The following ZNF316 variants were observed in gnomAD, a reference collection of about 807,000 sequenced individuals.
ZNF316 encodes the protein zinc finger protein 316.
Under a neutral mutation model 75.6 loss-of-function variants are expected in ZNF316, and 23 were observed. That is an observed-to-expected ratio of 0.30 (90% CI 0.22 to 0.43). ZNF316 has a LOEUF of 0.43. Among genes scored for constraint, ZNF316 ranks in the 20% least tolerant of loss-of-function variants. The pLI, the probability that ZNF316 is intolerant of heterozygous loss-of-function variation, is 1.00. For synonymous variants in ZNF316, 827 were observed against 666.2 expected (o/e 1.24, Z -3.72); for missense variants, 1,266 against 1,409.4 (o/e 0.90, Z 1.63).
Position 6,654,621 on chromosome 7 carries a change from G to C in ZNF316, c.*10G>C, listed in dbSNP as rs1779584357. 1.7e-6 allele frequency: 2 copies of C among 1,184,606 alleles called. No homozygotes were observed. The highest frequency in any genetic ancestry group is 4.2e-5 in the South Asian group (1 of 23,908). 73.4% of individuals were successfully genotyped at this position (1,184,606 alleles called of 1,614,324 possible). A position where few individuals can be genotyped will look rare whatever the true frequency, so the allele number is the denominator to read the frequency against. On this transcript the variant is annotated 3_prime_UTR_variant, in exon 9 of 9. Transcript: ENST00000382252. ...GGAGGGCGTCCTGTGAGGGGCCCGGGGCCGACAGCAGCGCAGCCTGCAGGG... is the reference window on the plus strand; with the variant it reads ...GGAGGGCGTCCTGTGAGGGGCCCGGCGCCGACAGCAGCGCAGCCTGCAGGG...
rs1333865697 is a variant in ZNF316, at chr7:6,652,871, C to T, written c.1275C>T (p.Gly425=). ...TTACGCACCGACGCATCCATACTGG[C>T]GAGCGGCCCTACCGCTGCGCCTTCT... The part of the protein sequence containing the change: ...HLVTHRRIHT[G]ERPYRCAFCG... The change falls in exon 9 of 9, where the codon GGC becomes GGT. Residue 425 remains glycine, a synonymous_variant. Coordinates refer to ENST00000382252, the MANE Select transcript of ZNF316 (RefSeq NM_001278559.2). 2 of 1,243,578 alleles carry T rather than the reference C, an allele frequency of 1.6e-6. No homozygotes were observed. Among genetic ancestry groups the T allele is most frequent in the Admixed American group, 4.1e-5 (1 of 24,114 alleles). The allele number at this position is 1,243,578 out of a possible 1,614,324, so 77.0% of individuals were successfully genotyped here. A position where few individuals can be genotyped will look rare whatever the true frequency, so the allele number is the denominator to read the frequency against.
chr7:6,644,878 G>A (rs533495641), intron 8 of ZNF316, among the ~76,000 whole-genome samples: 3 of 152,320 alleles, frequency 2.0e-5, no homozygotes, highest in South Asian at 4.1e-4. Flanking sequence ...TCAGGTGGTC[G>A]GCTGAGCCAG....
chr7:6,656,775 G>T lies in ZNF316; in HGVS notation c.*2164G>T, dbSNP rs1465796040. Among the ~76,000 whole-genome samples the T allele has an allele frequency of 2.0e-5, 3 of 152,144 alleles. No homozygotes were observed. The highest frequency in any genetic ancestry group is 7.2e-5 in the African/African-American group (3 of 41,426). ...TCGTGGTGGTCCAAACACATCCCCAGCCCTTTCTTCAGAGGCCCCAGCACC... is the reference window on the plus strand; with the variant it reads ...TCGTGGTGGTCCAAACACATCCCCATCCCTTTCTTCAGAGGCCCCAGCACC... On this transcript the variant is annotated 3_prime_UTR_variant, in exon 9 of 9. Coordinates refer to ENST00000382252, the MANE Select transcript of ZNF316 (RefSeq NM_001278559.2).
Position 6,639,540 on chromosome 7 carries a change from A to C in ZNF316, c.-167+399A>C, listed in dbSNP as rs530376247. Reference sequence around the variant, plus strand: ...GAGAGTTCTGGGGATGGGGAATAACACACACACGGCCTGAGATGAGATGAA... The same window carrying C: ...GAGAGTTCTGGGGATGGGGAATAACCCACACACGGCCTGAGATGAGATGAA... On this transcript the variant is annotated intron_variant, in intron 3 of 8. Coordinates refer to ENST00000382252, the MANE Select transcript of ZNF316 (RefSeq NM_001278559.2). The surrounding 1 kb of genome is among the most constrained non-coding windows in gnomAD (Gnocchi z 4.2). Among the ~76,000 whole-genome samples the C allele has an allele frequency of 6.6e-6, 1 of 152,174 alleles. No homozygotes were observed. Among genetic ancestry groups the C allele is most frequent in the South Asian group, 2.1e-4 (1 of 4,830 alleles).
rs1193499435 is a variant in ZNF316 at position 6,653,126 on chromosome 7, G to A, written c.1530G>A (p.Ala510=). 1.7e-5 allele frequency: 20 copies of A among 1,167,576 alleles called. No homozygotes were observed. The highest frequency in any genetic ancestry group is 2.1e-5 in the Non-Finnish European group (20 of 947,532). 72.3% of individuals were successfully genotyped at this position (1,167,576 alleles called of 1,614,324 possible). A position where few individuals can be genotyped will look rare whatever the true frequency, so the allele number is the denominator to read the frequency against. The change falls in exon 9 of 9, where the codon GCG becomes GCA. Residue 510 remains alanine (A), a synonymous_variant. Coordinates refer to ENST00000382252, the MANE Select transcript of ZNF316 (RefSeq NM_001278559.2). ...GCCACCGACGCGGCGGGGGCTGCGCGGAGGCGGGTGGTGACGGCCCCCGGC... is the reference window on the plus strand; with the variant it reads ...GCCACCGACGCGGCGGGGGCTGCGCAGAGGCGGGTGGTGACGGCCCCCGGC... The part of the protein sequence containing the change: ...FQRHRRGGGC[A]EAGGDGPRRE...
intron 8 of ZNF316, among the ~76,000 whole-genome samples, chr7:6,649,211 G>A (rs376249530): frequency 3.9e-5 from 6 of 152,230 alleles, no homozygotes; most frequent in East Asian, 3.9e-4. Flanking sequence ...TCCCTCTTCC[G>A]GAAGCCTAGC....
In ZNF316 at chr7:6,652,366, C is replaced by T. The variant is rs1473839417; in HGVS notation, c.770C>T (p.Ala257Val). ...GAGGAAGACGACGAGGACTTCCTGG[C>T]GGAGGTGGCCGAGGAGGAGAACGAG... is the stretch of plus-strand genomic sequence containing the variant. The part of the protein sequence containing the change: ...HEEEDDEDFL[A>V]EVAEEENEPP... Residue 257 changes from alanine to valine, a missense_variant, in exon 9 of 9, where the codon GCG (alanine) becomes GTG (valine). Physicochemically the swap from Ala to Val is moderately conservative, Grantham distance 64 (BLOSUM62 0). Coordinates refer to ENST00000382252, the MANE Select transcript of ZNF316 (RefSeq NM_001278559.2). The T allele has an allele frequency of 3.2e-6, 4 of 1,232,228 alleles. No individual in the cohort carries two copies. Among genetic ancestry groups the T allele is most frequent in the African/African-American group, 1.6e-5 (1 of 64,422 alleles). The allele number at this position is 1,232,228 out of a possible 1,614,324, so 76.3% of individuals were successfully genotyped here.
intron 8 of ZNF316, among the ~76,000 whole-genome samples, chr7:6,651,099 C>T (rs567162570): frequency 1.3e-5 from 2 of 152,292 alleles, no homozygotes; most frequent in African/African-American, 4.8e-5. Context: ...CCTGTAATCC[C>T]AGCACTTTGG....
rs1304404941 is a variant in ZNF316, at chr7:6,640,958, G to A, written c.-166-867G>A. ...ATGTTGGTGCAGCCTGTTGAACTGT[G>A]AGTGAATGAAACCTTTTTTCTTTGC... On this transcript the variant is annotated intron_variant, in intron 3 of 8. Transcript: ENST00000382252. This position sits in a 1 kb window ranked among gnomAD's most constrained non-coding sequence, Gnocchi z 5.1. Among the ~76,000 whole-genome samples the A allele has an allele frequency of 6.6e-6, 1 of 152,222 alleles. No homozygotes were observed. Among genetic ancestry groups the A allele is most frequent in the African/African-American group, 2.4e-5 (1 of 41,448 alleles).
At chr7:6,649,538 G>A (rs903617443) in intron 8 of ZNF316, among the ~76,000 whole-genome samples, 1 of 152,206 alleles carries the variant, frequency 6.6e-6, no homozygotes, top group Non-Finnish European at 1.5e-5. Context: ...CCTTGTCCCT[G>A]GAGCCCTGTT....
In ZNF316 at chr7:6,653,905, C is replaced by A; in HGVS notation, c.2309C>A (p.Thr770Lys). 4 of 1,124,390 alleles carry A rather than the reference C, an allele frequency of 3.6e-6. No individual in the cohort carries two copies. The highest frequency in any genetic ancestry group is 4.4e-6 in the Non-Finnish European group (4 of 919,446). 69.7% of individuals were successfully genotyped at this position (1,124,390 alleles called of 1,614,324 possible). Residue 770 changes from threonine (T) to lysine (K), a missense_variant, in exon 9 of 9, where the codon ACG becomes AAG. By Grantham distance (78) the Thr-to-Lys change is moderately conservative. This residue lies in a region of ZNF316 where 194 missense variants were observed against 319.2 expected (regional missense o/e 0.61). Transcript: ENST00000382252. The part of the protein sequence containing the change: ...SHLAAHVRGH[T>K]GEKPFVCGVC... ...TTGGCGGCGCACGTGCGCGGCCACA[C>A]GGGCGAGAAGCCGTTCGTGTGCGGC... is the stretch of plus-strand genomic sequence containing the variant.
rs1779331465 is a variant in ZNF316, at chr7:6,642,661, G to GGAT, written c.254_256dup (p.Asp85dup). 3 of 1,236,756 alleles carry GGAT rather than the reference G, an allele frequency of 2.4e-6. No individual in the cohort carries two copies. In the African/African-American group the frequency reaches 4.7e-5, roughly 19 times the overall value. 76.6% of individuals were successfully genotyped at this position (1,236,756 alleles called of 1,614,324 possible). A position where few individuals can be genotyped will look rare whatever the true frequency, so the allele number is the denominator to read the frequency against. On this transcript the variant is annotated inframe_insertion, in exon 5 of 9. Coordinates refer to ENST00000382252, the MANE Select transcript of ZNF316 (RefSeq NM_001278559.2). The surrounding 1 kb of genome is among the most constrained non-coding windows in gnomAD (Gnocchi z 8.1). ...AGGTGGAGGCGGACGTGGAGGAGGA[G>GGAT]GATGTGAAGGAGGTGCTGGCAGAGG... is the stretch of plus-strand genomic sequence containing the variant.
chr7:6,653,619 C>T lies in ZNF316; in HGVS notation c.2023C>T (p.Leu675=). The stretch of plus-strand genomic sequence containing the variant: ...CGCGTTCGGGCCCGCCATCGGGGGT[C>T]TGCTGGCGGAGCCCGCGCCGGCCGC... The part of the protein sequence containing the change: ...LRAFGPAIGG[L]LAEPAPAALA... The change falls in exon 9 of 9, where the codon CTG becomes TTG. Residue 675 remains leucine, a synonymous_variant. Transcript: ENST00000382252. 9.4e-6 allele frequency: 10 copies of T among 1,062,220 alleles called. No homozygotes were observed. Among genetic ancestry groups the T allele is most frequent in the Non-Finnish European group, 1.1e-5 (10 of 878,268 alleles). 65.8% of individuals were successfully genotyped at this position (1,062,220 alleles called of 1,614,324 possible).
intron 8 of ZNF316, among the ~76,000 whole-genome samples, chr7:6,650,479 C>A (rs1391584864): frequency 1.3e-5 from 2 of 152,198 alleles, no homozygotes; most frequent in African/African-American, 4.8e-5. Context: ...CACAGTGAAG[C>A]CGGGCCTGTG....
rs1779241758 is a variant in ZNF316, at chr7:6,637,771, T to TCGGCCGCAGCGGCAGGGGCTGGGCCG, written c.-430-67_-430-42dup. 2 of 151,910 alleles carry TCGGCCGCAGCGGCAGGGGCTGGGCCG rather than the reference T, an allele frequency of 1.3e-5. No homozygotes were observed. The highest frequency in any genetic ancestry group is 4.8e-5 in the African/African-American group (2 of 41,364). 9.4% of individuals were successfully genotyped at this position (151,910 alleles called of 1,614,324 possible). ...CCTCGGGGTGCCCGCCCACGCCTTC[T>TCGGCCGCAGCGGCAGGGGCTGGGCCG]CGGCCGCAGCGGCAGGGGCTGGGCC... On this transcript the variant is annotated intron_variant, in intron 1 of 8. Transcript: ENST00000382252. This position sits in a 1 kb window ranked among gnomAD's most constrained non-coding sequence, Gnocchi z 6.2.
Position 6,655,202 on chromosome 7 carries a change from TGTC to T in ZNF316, c.*595_*597del, listed in dbSNP as rs200061771. 5 of 152,334 alleles carry T rather than the reference TGTC, an allele frequency of 3.3e-5. No individual in the cohort carries two copies. The highest frequency in any genetic ancestry group is 3.9e-4 in the East Asian group (2 of 5,172). The allele number at this position is 152,334 out of a possible 1,614,324, so 9.4% of individuals were successfully genotyped here. A position where few individuals can be genotyped will look rare whatever the true frequency, so the allele number is the denominator to read the frequency against. Reference sequence around the variant, plus strand: ...AGCTCCAGTGGGAAAACTTGAAACTTGTCGTCTGCGGATATTTATTTCCACTTC... The same window carrying T: ...AGCTCCAGTGGGAAAACTTGAAACTTGTCTGCGGATATTTATTTCCACTTC... On this transcript the variant is annotated 3_prime_UTR_variant, in exon 9 of 9. Coordinates refer to ENST00000382252, the MANE Select transcript of ZNF316 (RefSeq NM_001278559.2).
chr7:6,652,347 G>A lies in ZNF316; in HGVS notation c.751G>A (p.Asp251Asn). 3.2e-6 allele frequency: 4 copies of A among 1,232,392 alleles called. No homozygotes were observed. The highest frequency in any genetic ancestry group is 4.0e-6 in the Non-Finnish European group (4 of 988,094). 76.3% of individuals were successfully genotyped at this position (1,232,392 alleles called of 1,614,324 possible). A position where few individuals can be genotyped will look rare whatever the true frequency, so the allele number is the denominator to read the frequency against. Residue 251 changes from aspartate (D) to asparagine (N), a missense_variant, in exon 9 of 9, where the codon GAC becomes AAC. This residue lies in a region of ZNF316 where 961 missense variants were observed against 990.9 expected (regional missense o/e 0.97). Coordinates refer to ENST00000382252, the MANE Select transcript of ZNF316 (RefSeq NM_001278559.2). ...CGACATAGAGGACCACGAGGAGGAA[G>A]ACGACGAGGACTTCCTGGCGGAGGT... ...TDDIEDHEEE[D>N]DEDFLAEVAE... is the part of the protein sequence containing the mutation.
At chr7:6,638,401 C>T (rs1273376474) in intron 2 of ZNF316, among the ~76,000 whole-genome samples, 1 of 152,116 alleles carries the variant, frequency 6.6e-6, no homozygotes, top group Non-Finnish European at 1.5e-5. Flanking sequence ...CTGAGGGCAG[C>T]GGGGGCCACC....
chr7:6,654,185 C>G lies in ZNF316; in HGVS notation c.2589C>G (p.Asp863Glu). 1 of 1,223,432 alleles carries G rather than the reference C, an allele frequency of 8.2e-7. No individual in the cohort carries two copies. The allele number at this position is 1,223,432 out of a possible 1,614,324, so 75.8% of individuals were successfully genotyped here. A position where few individuals can be genotyped will look rare whatever the true frequency, so the allele number is the denominator to read the frequency against. ...GCGAGAAGCCCTTCCGCTGCGCCGA[C>G]TGCGGCCGCGGCTTCGCGCAGCGCT... ...HTGEKPFRCA[D>E]CGRGFAQRSN... The change falls in exon 9 of 9, where the codon GAC becomes GAG. Residue 863 changes from aspartate to glutamate, a missense_variant. Transcript: ENST00000382252.
Sources: gnomAD v4.1 joint callset for allele counts (sites outside exome capture counted in the v4.1 genomes callset) on GRCh38, gnomAD v4.1.1 for gene constraint, gnomAD v4.1.1 regional missense constraint, Gnocchi (gnomAD v3.1) non-coding constraint, MANE v1.5 for transcripts, NCBI Gene and HGNC (gene_info 2026-07-23, HGNC 2026-07-21) for gene names.